EPHA6: variants seen among roughly 807,000 people sequenced by gnomAD.
The protein encoded by EPHA6 is ephrin type-A receptor 6.
A neutral mutation model predicts 112.0 loss-of-function variants in EPHA6; 50 were observed. That is an observed-to-expected ratio of 0.45 (90% confidence interval 0.36 to 0.56). The LOEUF is 0.56. EPHA6 is among the 20% of genes least tolerant of loss of function. The probability of loss-of-function intolerance (pLI) is 0.00; values close to 1 mark genes in which losing one functional copy is unlikely to be tolerated. For synonymous variants in EPHA6, 529 were observed against 490.7 expected (o/e 1.08, Z -1.03); for missense variants, 1,280 against 1,417.4 (o/e 0.90, Z 1.56).
At chr3:97,732,604 A>G (rs1473919097) in intron 15 of EPHA6, among the ~76,000 whole-genome samples, 2 of 152,218 alleles carry the variant, frequency 1.3e-5, no homozygotes, top group East Asian at 1.9e-4. Flanking sequence ...CTTAAAAAAT[A>G]TAAGTTTCTT....
intron 3 of EPHA6, among the ~76,000 whole-genome samples, chr3:97,042,502 T>A (rs887353251): frequency 6.6e-6 from 1 of 152,134 alleles, no homozygotes; most frequent in African/African-American, 2.4e-5. Flanking sequence ...TACAGTGTGG[T>A]TCTTATCTCA....
intron 10 of EPHA6, among the ~76,000 whole-genome samples, chr3:97,501,369 A>G (rs1195639178): frequency 6.6e-6 from 1 of 152,092 alleles, no homozygotes; most frequent in Non-Finnish European, 1.5e-5. Context: ...GCAGAATAAT[A>G]TTCCCTTTAA....
chr3:97,134,950 T>C (rs2075732151), intron 3 of EPHA6, among the ~76,000 whole-genome samples: 1 of 152,146 alleles, frequency 6.6e-6, no homozygotes, highest in South Asian at 2.1e-4. Context: ...AGGTTGGGAT[T>C]TAATGACAAT....
rs146259054 is a variant in EPHA6 at position 96,932,409 on chromosome 3, A to G, written c.451-54921A>G. 2.1e-3 allele frequency among the ~76,000 whole-genome samples: 325 copies of G among 152,332 alleles called. 2 individuals carry two copies. The highest frequency in any genetic ancestry group is 7.7e-3 in the African/African-American group (319 of 41,572). ...TTTTAAAAACACAGAATGTACTTCA[A>G]TTATTCAGCTTACCTTTTACATTTA... On this transcript the variant is annotated intron_variant, in intron 2 of 17. Coordinates refer to ENST00000389672, the MANE Select transcript of EPHA6 (RefSeq NM_001080448.3).
intron 3 of EPHA6, among the ~76,000 whole-genome samples, chr3:97,153,730 A>G (rs537425955): frequency 1.3e-5 from 2 of 152,264 alleles, no homozygotes; most frequent in African/African-American, 4.8e-5. Context: ...GAATTTCATT[A>G]GATTGTATGG....
intron 11 of EPHA6, among the ~76,000 whole-genome samples, chr3:97,575,171 T>C (rs753403396): frequency 6.6e-6 from 1 of 152,168 alleles, no homozygotes. Context: ...TAAATTGATA[T>C]AGACTTGTGG....
intron 11 of EPHA6, among the ~76,000 whole-genome samples, chr3:97,582,121 C>T (rs914830640): frequency 2.0e-5 from 3 of 152,078 alleles, no homozygotes; most frequent in African/African-American, 4.8e-5. Context: ...CCTCCACCTC[C>T]CAGGATCAAG....
intron 5 of EPHA6, among the ~76,000 whole-genome samples, chr3:97,386,058 C>T (rs904872976): frequency 2.0e-5 from 3 of 152,128 alleles, no homozygotes; most frequent in African/African-American, 7.2e-5. Context: ...CATTTCAAAA[C>T]ACAATCATGT....
At chr3:96,982,847 G>A (rs2042854208) in intron 2 of EPHA6, among the ~76,000 whole-genome samples, 1 of 152,104 alleles carries the variant, frequency 6.6e-6, no homozygotes, top group Admixed American at 6.6e-5. Context: ...TTTGTTTAAA[G>A]TCTGTTTTAT....
Position 96,881,244 on chromosome 3 carries a change from AG to A in EPHA6, c.450+14356del, listed in dbSNP as rs2037296105. Among the ~76,000 whole-genome samples the A allele has an allele frequency of 1.3e-5, 2 of 152,104 alleles. 1 individual carries two copies. The highest frequency in any genetic ancestry group is 3.9e-4 in the East Asian group (2 of 5,188). On this transcript the variant is annotated intron_variant, in intron 2 of 17. Coordinates refer to ENST00000389672, the MANE Select transcript of EPHA6 (RefSeq NM_001080448.3). ...GTAGAAATTGATAAATCATTGTATT[AG>A]TCTGCTTTCACACTGCTGTTAAAGA...
At chr3:97,005,673 G>T (rs1255807604) in intron 3 of EPHA6, among the ~76,000 whole-genome samples, 2 of 152,138 alleles carry the variant, frequency 1.3e-5, no homozygotes, top group African/African-American at 2.4e-5. Context: ...CGTGGTAAGA[G>T]AGGGCATCCT....
At chr3:97,223,326 G>T (rs1406831676) in intron 3 of EPHA6, among the ~76,000 whole-genome samples, 2 of 152,142 alleles carry the variant, frequency 1.3e-5, no homozygotes, top group Non-Finnish European at 2.9e-5. Flanking sequence ...ATGAAATATT[G>T]CAGCAGGGTG....
At chr3:97,113,845 G>C (rs931857267) in intron 3 of EPHA6, among the ~76,000 whole-genome samples, 4 of 151,890 alleles carry the variant, frequency 2.6e-5, no homozygotes, top group African/African-American at 9.7e-5. Flanking sequence ...TTATAATTCA[G>C]CTATAAGGAA....
rs554734631 is a variant in EPHA6 at position 97,450,301 on chromosome 3, T to C, written c.1894+1571T>C. Reference sequence around the variant, plus strand: ...GCTAAGGATACAGTCCAAGGAAAGTTTGGTCCAAGATTGTCGAATTATTGT... The same window carrying C: ...GCTAAGGATACAGTCCAAGGAAAGTCTGGTCCAAGATTGTCGAATTATTGT... On this transcript the variant is annotated intron_variant, in intron 7 of 17. Coordinates refer to ENST00000389672, the MANE Select transcript of EPHA6 (RefSeq NM_001080448.3). Among the ~76,000 whole-genome samples the C allele has an allele frequency of 2.6e-4, 40 of 152,166 alleles. No individual in the cohort carries two copies. In the South Asian group the frequency reaches 8.3e-3, roughly 32 times the overall value.
At chr3:96,974,649 A>C (rs887271803) in intron 2 of EPHA6, among the ~76,000 whole-genome samples, 9 of 152,144 alleles carry the variant, frequency 5.9e-5, no homozygotes, top group Non-Finnish European at 1.2e-4. Flanking sequence ...GTCCTGGATA[A>C]ATAGAACAGA....
intron 10 of EPHA6, among the ~76,000 whole-genome samples, chr3:97,524,951 A>G (rs2092597507): frequency 6.6e-6 from 1 of 152,076 alleles, no homozygotes; most frequent in Non-Finnish European, 1.5e-5. Flanking sequence ...AACCAATGAG[A>G]TTTAAGGCAG....
At chr3:97,400,395 C>T (rs1430178947) in intron 5 of EPHA6, among the ~76,000 whole-genome samples, 2 of 151,660 alleles carry the variant, frequency 1.3e-5, no homozygotes, top group Admixed American at 1.3e-4. Flanking sequence ...GTGATGCCTC[C>T]AGCTTTTGTT....
chr3:97,114,695 A>C (rs959298561), intron 3 of EPHA6, among the ~76,000 whole-genome samples: 2 of 152,078 alleles, frequency 1.3e-5, no homozygotes, highest in African/African-American at 4.8e-5. Context: ...TCATATTAAA[A>C]GAAAAATGTC....
intron 15 of EPHA6, among the ~76,000 whole-genome samples, chr3:97,723,779 T>C (rs2107805411): frequency 1.3e-5 from 2 of 152,328 alleles, no homozygotes; most frequent in Middle Eastern, 3.4e-3. Context: ...TAAAATCTTT[T>C]ATGTATCTTG....
Sources: gnomAD v4.1 joint callset for allele counts (sites outside exome capture counted in the v4.1 genomes callset) on GRCh38, gnomAD v4.1.1 for gene constraint, MANE v1.5 for transcripts, NCBI Gene and HGNC (gene_info 2026-07-23, HGNC 2026-07-21) for gene names.